The following SPIRE2 variants were observed in gnomAD, a reference collection of about 807,000 sequenced individuals.
SPIRE2 encodes the protein spire type actin nucleation factor 2, also known as protein spire homolog 2.
A neutral mutation model predicts 80.7 loss-of-function variants in SPIRE2; 76 were observed. The observed-to-expected ratio is 0.94, with a 90% CI of 0.78 to 1.14. The LOEUF is 1.14. SPIRE2 is among the 50% of genes most tolerant of loss of function. The pLI is 0.00. For synonymous variants in SPIRE2, 535 were observed against 432.6 expected (o/e 1.24, Z -2.94); for missense variants, 1,196 against 1,015.3 (o/e 1.18, Z -2.42).
chr16:89,857,181 G>A (rs952547112), intron 7 of SPIRE2, among the ~76,000 whole-genome samples: 2 of 130,622 alleles, frequency 1.5e-5, no homozygotes, highest in Non-Finnish European at 3.1e-5. Flanking sequence ...CTGTCACCCC[G>A]GCTGTAGTGC....
At chr16:89,836,717 C>T (rs758704857) in intron 1 of SPIRE2, among the ~76,000 whole-genome samples, 11 of 151,722 alleles carry the variant, frequency 7.3e-5, no homozygotes, top group Non-Finnish European at 1.3e-4. Flanking sequence ...CGGTGGCTCA[C>T]GCCTGTCATC....
intron 8 of SPIRE2, among the ~76,000 whole-genome samples, chr16:89,858,837 G>T (rs1183439392): frequency 1.3e-5 from 2 of 152,224 alleles, no homozygotes; most frequent in African/African-American, 4.8e-5. Context: ...ACCCAGCGAG[G>T]CTCCCTGCCC....
At chr16:89,836,497 G>A (rs2041450986) in intron 1 of SPIRE2, 1 of 299,130 alleles carries the variant, frequency 3.3e-6, no homozygotes. Flanking sequence ...CAGGGAAGTT[G>A]TGGATGGTAG....
intron 2 of SPIRE2, among the ~76,000 whole-genome samples, chr16:89,847,618 C>T (rs1306528929): frequency 2.0e-5 from 3 of 152,210 alleles, no homozygotes; most frequent in Non-Finnish European, 4.4e-5. Context: ...TCCTTAACGT[C>T]TCGCTCCTGG....
chr16:89,843,749 G>A (rs1427265268), intron 1 of SPIRE2, among the ~76,000 whole-genome samples: 2 of 108,712 alleles, frequency 1.8e-5, no homozygotes, highest in Non-Finnish European at 3.6e-5. Context: ...GCCCAGGCTG[G>A]AATGCAGTGG....
chr16:89,840,637 T>A (rs1329275841), intron 1 of SPIRE2, among the ~76,000 whole-genome samples: 1 of 20,758 alleles, frequency 4.8e-5, no homozygotes, highest in Non-Finnish European at 7.4e-5. Flanking sequence ...AGTTTTCAAA[T>A]TTTTTTTTTT....
chr16:89,851,340 C>T (rs8048721), intron 3 of SPIRE2, among the ~76,000 whole-genome samples: 8,131 of 152,220 alleles, frequency 0.053, 611 homozygotes, highest in African/African-American at 0.16. Flanking sequence ...CCCCTCTATA[C>T]GCAGGAACCA....
chr16:89,848,093 T>C (rs2041581098), intron 2 of SPIRE2, among the ~76,000 whole-genome samples: 1 of 152,224 alleles, frequency 6.6e-6, no homozygotes, highest in Non-Finnish European at 1.5e-5. Flanking sequence ...CGCTACGCTG[T>C]CCTTCCCTGC....
In SPIRE2 at chr16:89,870,281, G is replaced by T; in HGVS notation, c.*9G>T. ...CTCTTGACTTCAAGTGACAGCCCCA[G>T]GTGGCCAGGCCTCCAGGAGGCACCA... On this transcript the variant is annotated 3_prime_UTR_variant, in exon 15 of 15. Coordinates refer to ENST00000378247, the MANE Select transcript of SPIRE2 (RefSeq NM_032451.2). The T allele has an allele frequency of 1.3e-6, 2 of 1,578,418 alleles. No homozygotes were observed. Among genetic ancestry groups the T allele is most frequent in the East Asian group, 2.3e-5 (1 of 43,786 alleles).
chr16:89,866,513 C>G lies in SPIRE2; in HGVS notation c.1779-1676C>G, dbSNP rs1209677707. Reference sequence around the variant, plus strand: ...GTTTCTCCATGTTGGTCAGGTTGATCTCCAACTCCCGACCTCAGGTGATCG... The same window carrying G: ...GTTTCTCCATGTTGGTCAGGTTGATGTCCAACTCCCGACCTCAGGTGATCG... On this transcript the variant is annotated intron_variant, in intron 12 of 14. Coordinates refer to ENST00000378247, the MANE Select transcript of SPIRE2 (RefSeq NM_032451.2). Among the ~76,000 whole-genome samples the G allele has an allele frequency of 3.3e-5, 5 of 152,212 alleles. 1 individual carries two copies. Among genetic ancestry groups the G allele is most frequent in the South Asian group, 4.1e-4 (2 of 4,824 alleles).
At position 89,850,287 on chromosome 16, in the gene SPIRE2, G is replaced by A. The variant is rs570705748; in HGVS notation, c.289-17G>A. On this transcript the variant is annotated splice_polypyrimidine_tract_variant and intron_variant, in intron 2 of 14. Coordinates refer to ENST00000378247, the MANE Select transcript of SPIRE2 (RefSeq NM_032451.2). ...CCCCCTGCAGTACCGCCCAGTGACC[G>A]CGCCCCTGTCCCGCAGACCGTGCAG... The A allele has an allele frequency of 1.0e-5, 16 of 1,597,626 alleles. No individual in the cohort carries two copies. The East Asian group carries it at 2.5e-4, about 25-fold the overall frequency.
intron 1 of SPIRE2, among the ~76,000 whole-genome samples, chr16:89,844,648 C>T (rs1293650045): frequency 6.6e-6 from 1 of 152,166 alleles, no homozygotes; most frequent in Non-Finnish European, 1.5e-5. Flanking sequence ...CCGTGTTAGC[C>T]AGGATGGCCC....
chr16:89,860,930 G>A, intron 10 of SPIRE2, 135 bp downstream of exon 10: 1 of 568,870 alleles, frequency 1.8e-6, no homozygotes, highest in Non-Finnish European at 2.9e-6. Flanking sequence ...CGTCTGGGGG[G>A]GCGCGGTCTG....
intron 1 of SPIRE2, among the ~76,000 whole-genome samples, chr16:89,840,001 T>C (rs566588406): frequency 6.6e-6 from 1 of 152,188 alleles, no homozygotes; most frequent in African/African-American, 2.4e-5. Context: ...GGTGAGGAAG[T>C]GAGGTCACAG....
chr16:89,850,844 GTTGT>G (rs1486995331), intron 3 of SPIRE2, among the ~76,000 whole-genome samples, 184 bp downstream of exon 3: 1 of 151,572 alleles, frequency 6.6e-6, no homozygotes, highest in Non-Finnish European at 1.5e-5. Flanking sequence ...TGTTGTTGTT[GTTGT>G]TTTTTTAGAC....
Position 89,860,733 on chromosome 16 carries a change from CG to C in SPIRE2, c.1517del (p.Gly506AlafsTer11). ...CCCCAGCCACCCCCTACTCAGCAACCGGGGCTCCTCGGGGGACAGACCCGAG... is the reference window on the plus strand; with the variant it reads ...CCCCAGCCACCCCCTACTCAGCAACCGGGCTCCTCGGGGGACAGACCCGAG... ...SDPSHPLLSN[R>X]GSSGDRPEAS... On this transcript the variant is annotated frameshift_variant, in exon 10 of 15. Transcript: ENST00000378247. LOFTEE classifies it high-confidence loss of function. 1 of 1,586,830 alleles carries C rather than the reference CG, an allele frequency of 6.3e-7. No individual in the cohort carries two copies. The highest frequency in any genetic ancestry group is 8.6e-7 in the Non-Finnish European group (1 of 1,167,352).
intron 13 of SPIRE2, 113 bp from the exon 14 acceptor site, chr16:89,869,454 G>A (rs1246669929): frequency 1.4e-6 from 1 of 691,084 alleles, no homozygotes; most frequent in Non-Finnish European, 2.6e-6. Flanking sequence ...TATTCTCCAG[G>A]AAGCCCTGGC....
At chr16:89,830,769 G>A (rs183365468) in intron 1 of SPIRE2, among the ~76,000 whole-genome samples, 1 of 150,976 alleles carries the variant, frequency 6.6e-6, no homozygotes, top group Admixed American at 6.6e-5. Flanking sequence ...CAACAAACTA[G>A]ACCATACTTA....
intron 1 of SPIRE2, among the ~76,000 whole-genome samples, chr16:89,833,258 G>C (rs1013988013): frequency 1.3e-5 from 2 of 152,024 alleles, no homozygotes; most frequent in African/African-American, 4.8e-5. Context: ...GAAAGTGCTG[G>C]GATGACAGGC....
Sources: allele counts gnomAD v4.1 joint callset (sites outside exome capture counted in the v4.1 genomes callset), GRCh38; gene constraint gnomAD v4.1.1; transcripts MANE v1.5; gene names NCBI Gene and HGNC (gene_info 2026-07-23, HGNC 2026-07-21).